Variants in ZNF804B observed in about 807,000 individuals in gnomAD.
ZNF804B encodes zinc finger protein 804B, also known as zinc finger 804B.
In ZNF804B, 80 loss-of-function variants were observed where a neutral mutation model predicts 101.4. The observed-to-expected ratio is 0.79, with a 90% CI of 0.66 to 0.95. ZNF804B has a LOEUF of 0.95. Among genes scored for constraint, ZNF804B ranks in the 40% least tolerant of loss-of-function variants. The probability of loss-of-function intolerance (pLI) is 0.00; values close to 1 mark genes in which losing one functional copy is unlikely to be tolerated. For missense variants in ZNF804B, 1,673 were observed against 1,561.9 expected (o/e 1.07, Z -1.20); for synonymous variants, 622 against 558.8 (o/e 1.11, Z -1.59).
chr7:89,262,465 G>T (rs569610843), intron 2 of ZNF804B, among the ~76,000 whole-genome samples: 1 of 152,142 alleles, frequency 6.6e-6, no homozygotes, highest in South Asian at 2.1e-4. Flanking sequence ...TTCCTCAAAG[G>T]CTTGCTGCGA....
chr7:89,017,284 AG>A (rs1788583795), intron 1 of ZNF804B, among the ~76,000 whole-genome samples: 1 of 152,216 alleles, frequency 6.6e-6, no homozygotes, highest in Admixed American at 6.5e-5. Context: ...ATCTGCAAAC[AG>A]GGACAATTTG....
chr7:89,335,409 A>C lies in ZNF804B; in HGVS notation c.2427A>C (p.Lys809Asn). 1.2e-6 allele frequency: 2 copies of C among 1,613,816 alleles called. No individual in the cohort carries two copies. The highest frequency in any genetic ancestry group is 2.7e-5 in the African/African-American group (2 of 75,002). Reference sequence around the variant, plus strand: ...ATTGTCACTGCAGAGAAAGACAAAAACTGGGCAAAAATCAACAACAATTTT... The same window carrying C: ...ATTGTCACTGCAGAGAAAGACAAAACCTGGGCAAAAATCAACAACAATTTT... ...RRYCHCRERQ[K>N]LGKNQQQFSG... The change falls in exon 4 of 4, where the codon AAA becomes AAC. Residue 809 changes from lysine to asparagine, a missense_variant. Transcript: ENST00000333190.
chr7:89,049,990 T>C (rs1789169862), intron 1 of ZNF804B, among the ~76,000 whole-genome samples: 1 of 152,130 alleles, frequency 6.6e-6, no homozygotes, highest in Admixed American at 6.6e-5. Flanking sequence ...CCAGACTGGA[T>C]GGCAGAGTAA....
chr7:88,864,433 G>A (rs997405063), intron 1 of ZNF804B, among the ~76,000 whole-genome samples: 19 of 152,140 alleles, frequency 1.2e-4, no homozygotes, highest in Admixed American at 1.2e-3. Context: ...CAGGCAAATG[G>A]AAGTGATGCC....
At chr7:89,271,056 A>C (rs994419286) in intron 2 of ZNF804B, among the ~76,000 whole-genome samples, 58 of 152,214 alleles carry the variant, frequency 3.8e-4, no homozygotes, top group African/African-American at 1.3e-3. Flanking sequence ...AATACCCTTT[A>C]TTTCTTTCTC....
chr7:89,140,334 T>C (rs1020768152), intron 1 of ZNF804B, among the ~76,000 whole-genome samples: 4 of 152,036 alleles, frequency 2.6e-5, no homozygotes, highest in Admixed American at 6.6e-5. Context: ...CTTCAACTTA[T>C]AGGTGCTTTA....
intron 1 of ZNF804B, among the ~76,000 whole-genome samples, chr7:88,911,470 T>C (rs1202988546): frequency 3.4e-5 from 5 of 148,558 alleles, no homozygotes; most frequent in African/African-American, 1.2e-4. Context: ...ATTTATATTA[T>C]TCTTATGTAT....
At chr7:88,938,642 G>C (rs1465802812) in intron 1 of ZNF804B, among the ~76,000 whole-genome samples, 1 of 151,884 alleles carries the variant, frequency 6.6e-6, no homozygotes, top group African/African-American at 2.4e-5. Context: ...TTAGTCCTCA[G>C]GTATATACTG....
At chr7:89,110,828 A>G (rs1790204781) in intron 1 of ZNF804B, among the ~76,000 whole-genome samples, 1 of 152,196 alleles carries the variant, frequency 6.6e-6, no homozygotes, top group Non-Finnish European at 1.5e-5. Flanking sequence ...ACAGTATTGT[A>G]CAGAATAGTT....
intron 1 of ZNF804B, among the ~76,000 whole-genome samples, chr7:89,076,567 G>T (rs1358637173): frequency 6.6e-6 from 1 of 152,006 alleles, no homozygotes; most frequent in Non-Finnish European, 1.5e-5. Context: ...CAGTTATAAA[G>T]AACCTCTCTT....
At chr7:88,996,056 C>A (rs770942764) in intron 1 of ZNF804B, among the ~76,000 whole-genome samples, 4 of 151,828 alleles carry the variant, frequency 2.6e-5, no homozygotes, top group African/African-American at 9.7e-5. Flanking sequence ...GATCCTGGAA[C>A]AAAAACAGAA....
chr7:88,865,021 G>A (rs888729698), intron 1 of ZNF804B, among the ~76,000 whole-genome samples: 5 of 152,066 alleles, frequency 3.3e-5, no homozygotes, highest in African/African-American at 1.2e-4. Context: ...CTGAGGTCAG[G>A]AGTTCAAGGC....
chr7:89,030,465 C>CA (rs932053423), intron 1 of ZNF804B, among the ~76,000 whole-genome samples: 75 of 151,256 alleles, frequency 5.0e-4, no homozygotes, highest in Non-Finnish European at 6.6e-4. Flanking sequence ...TTGATCATGA[C>CA]AAAAAAAACA....
chr7:88,793,995 A>G (rs1234519571), intron 1 of ZNF804B: 15 of 451,974 alleles, frequency 3.3e-5, no homozygotes, highest in Non-Finnish European at 5.0e-5. Flanking sequence ...TATTGAACTT[A>G]ATACCACAAC....
chr7:88,791,933 C>T (rs1212072102), intron 1 of ZNF804B, among the ~76,000 whole-genome samples: 2 of 152,010 alleles, frequency 1.3e-5, no homozygotes, highest in Non-Finnish European at 2.9e-5. Flanking sequence ...GAGCTGGCTT[C>T]CCAGGTTTAC....
chr7:89,276,410 C>T (rs1053145297), intron 2 of ZNF804B, among the ~76,000 whole-genome samples: 4 of 151,778 alleles, frequency 2.6e-5, no homozygotes, highest in African/African-American at 9.7e-5. Context: ...TAGTGTTACA[C>T]TGGTTCAGAA....
At chr7:88,976,428 A>G (rs1307761389) in intron 1 of ZNF804B, among the ~76,000 whole-genome samples, 1 of 151,568 alleles carries the variant, frequency 6.6e-6, no homozygotes, top group Non-Finnish European at 1.5e-5. Flanking sequence ...AATTTCTTGC[A>G]TCAATGTTTT....
At chr7:88,764,528 G>T (rs1247076264) in intron 1 of ZNF804B, among the ~76,000 whole-genome samples, 1 of 152,066 alleles carries the variant, frequency 6.6e-6, no homozygotes, top group Non-Finnish European at 1.5e-5. Flanking sequence ...ATTTTAAATG[G>T]ACCAACAATC....
chr7:89,162,127 G>A (rs982670545), intron 1 of ZNF804B, among the ~76,000 whole-genome samples: 1 of 144,216 alleles, frequency 6.9e-6, no homozygotes, highest in African/African-American at 2.5e-5. Context: ...TCCCTTTTCA[G>A]GGGCGGGGGG....
Sources: allele counts gnomAD v4.1 joint callset (sites outside exome capture counted in the v4.1 genomes callset), GRCh38; gene constraint gnomAD v4.1.1; transcripts MANE v1.5; gene names NCBI Gene and HGNC (gene_info 2026-07-23, HGNC 2026-07-21).